The following NUDT3 variants were observed in gnomAD, a reference collection of about 807,000 sequenced individuals.
NUDT3 encodes nudix hydrolase 3, also known as diphosphoinositol polyphosphate phosphohydrolase 1.
A neutral mutation model predicts 23.6 loss-of-function variants in NUDT3; 9 were observed. The observed-to-expected ratio is 0.38, with a 90% CI of 0.23 to 0.66. The LOEUF (loss-of-function observed/expected upper bound fraction) is 0.66, where lower values mean the gene tolerates loss of function less well. NUDT3 is among the 30% of genes least tolerant of loss of function. The pLI, the probability that NUDT3 is intolerant of heterozygous loss-of-function variation, is 0.52. For missense variants in NUDT3, 172 were observed against 218.5 expected (o/e 0.79, Z 1.34); for synonymous variants, 86 against 82.6 (o/e 1.04, Z -0.22).
chr6:34,289,160 C>G (rs2113689945), intron 4 of NUDT3, among the ~76,000 whole-genome samples: 1 of 152,318 alleles, frequency 6.6e-6, no homozygotes, highest in Non-Finnish European at 1.5e-5. Flanking sequence ...AAAACCTGCC[C>G]TCCAGAGAGA....
At chr6:34,305,965 T>G (rs975564393) in intron 2 of NUDT3, among the ~76,000 whole-genome samples, 1 of 152,234 alleles carries the variant, frequency 6.6e-6, no homozygotes, top group African/African-American at 2.4e-5. Flanking sequence ...TATCCTTCCA[T>G]GCATGCTTGA....
intron 2 of NUDT3, among the ~76,000 whole-genome samples, chr6:34,315,217 T>C (rs568732821): frequency 4.6e-5 from 7 of 152,342 alleles, no homozygotes; most frequent in African/African-American, 1.7e-4. Flanking sequence ...AATTCTTAAG[T>C]GATTCTGGTT....
intron 2 of NUDT3, among the ~76,000 whole-genome samples, chr6:34,327,205 T>A (rs1276231165): frequency 6.6e-6 from 1 of 151,820 alleles, no homozygotes; most frequent in Non-Finnish European, 1.5e-5. Context: ...GAAGGCAGCA[T>A]ACGTCAGCGT....
chr6:34,351,201 A>T (rs1764463885), intron 1 of NUDT3, among the ~76,000 whole-genome samples: 1 of 106,542 alleles, frequency 9.4e-6, no homozygotes, highest in Non-Finnish European at 1.8e-5. Context: ...CCCTGCCTAA[A>T]AAAAAAAAAA....
chr6:34,326,934 GGAGACGA>G (rs1248589995), intron 2 of NUDT3, among the ~76,000 whole-genome samples: 1 of 152,084 alleles, frequency 6.6e-6, no homozygotes, highest in East Asian at 1.9e-4. Context: ...CCCCGTGTGT[GGAGACGA>G]GAGAGAGATC....
intron 1 of NUDT3, among the ~76,000 whole-genome samples, chr6:34,387,687 A>AG (rs573364898): frequency 6.6e-6 from 1 of 151,214 alleles, no homozygotes; most frequent in East Asian, 1.9e-4. Flanking sequence ...AAAAAAAAAA[A>AG]AAAAAAAAAG....
chr6:34,373,991 TTA>T (rs1764880152), intron 1 of NUDT3, among the ~76,000 whole-genome samples: 1 of 151,580 alleles, frequency 6.6e-6, no homozygotes. Context: ...CTGTCTCTAC[TTA>T]AAAAATACAA....
At chr6:34,328,080 CTATTCT>C (rs368677070) in intron 2 of NUDT3, among the ~76,000 whole-genome samples, 66 of 152,262 alleles carry the variant, frequency 4.3e-4, no homozygotes, top group Middle Eastern at 3.4e-3. Context: ...TGTATGATAA[CTATTCT>C]TATTCTAACT....
intron 1 of NUDT3, among the ~76,000 whole-genome samples, chr6:34,384,209 T>C (rs998232564): frequency 1.3e-5 from 2 of 152,162 alleles, no homozygotes; most frequent in African/African-American, 4.8e-5. Flanking sequence ...CAATCATCTC[T>C]CCGTTCCAAC....
At chr6:34,311,481 CATT>C (rs1232561108) in intron 2 of NUDT3, among the ~76,000 whole-genome samples, 3 of 152,166 alleles carry the variant, frequency 2.0e-5, no homozygotes, top group Non-Finnish European at 4.4e-5. Context: ...GAAGACTCAA[CATT>C]ATTAATATGT....
chr6:34,351,213 A>AAAAAAAAAAC (rs1764466048), intron 1 of NUDT3, among the ~76,000 whole-genome samples: 1 of 130,856 alleles, frequency 7.6e-6, no homozygotes, highest in Non-Finnish European at 1.6e-5. Flanking sequence ...AAAAAAAAAA[A>AAAAAAAAAAC]AAAAAAAAAA....
chr6:34,365,200 C>T (rs537739606), intron 1 of NUDT3, among the ~76,000 whole-genome samples: 18 of 152,124 alleles, frequency 1.2e-4, no homozygotes, highest in Middle Eastern at 3.4e-3. Flanking sequence ...GAGGCCAAGG[C>T]GGGTGGATCA....
chr6:34,341,990 T>C lies in NUDT3; in HGVS notation c.100-18A>G. The C allele has an allele frequency of 6.2e-7, 1 of 1,605,986 alleles. No homozygotes were observed. The highest frequency in any genetic ancestry group is 1.7e-4 in the Middle Eastern group (1 of 6,012). The stretch of plus-strand genomic sequence containing the variant: ...AGTAGCACCTGTTAAGTCACAAAGG[T>C]TGCATGGGGGGGTTAAAAATTCAAA... On this transcript the variant is annotated intron_variant, in intron 1 of 4. Transcript: ENST00000607016.
chr6:34,335,750 G>GT (rs1403186229), intron 2 of NUDT3, among the ~76,000 whole-genome samples: 1 of 147,278 alleles, frequency 6.8e-6, no homozygotes, highest in East Asian at 2.0e-4. Flanking sequence ...TGAAAATGCT[G>GT]TGTTTTTTTT....
At chr6:34,386,179 G>GACCA (rs1265855565) in intron 1 of NUDT3, among the ~76,000 whole-genome samples, 1 of 152,180 alleles carries the variant, frequency 6.6e-6, no homozygotes, top group East Asian at 1.9e-4. Flanking sequence ...GTACCAAGCT[G>GACCA]GTTAAAGTGG....
At chr6:34,348,341 G>A (rs1401300738) in intron 1 of NUDT3, among the ~76,000 whole-genome samples, 2 of 151,842 alleles carry the variant, frequency 1.3e-5, no homozygotes, top group African/African-American at 2.4e-5. Context: ...AAATAGCCAG[G>A]CGTGGTGGTG....
chr6:34,349,582 G>C (rs1764435484), intron 1 of NUDT3, among the ~76,000 whole-genome samples: 1 of 150,520 alleles, frequency 6.6e-6, no homozygotes, highest in South Asian at 2.1e-4. Flanking sequence ...TGGAAACAAT[G>C]GTATCAGAAT....
At chr6:34,308,228 TG>T (rs1763714287) in intron 2 of NUDT3, among the ~76,000 whole-genome samples, 1 of 112,216 alleles carries the variant, frequency 8.9e-6, no homozygotes, top group Non-Finnish European at 1.8e-5. Flanking sequence ...GAGGCGGAGG[TG>T]GGAGGATCAC....
At chr6:34,339,009 A>C (rs1450083529) in intron 2 of NUDT3, among the ~76,000 whole-genome samples, 2 of 152,244 alleles carry the variant, frequency 1.3e-5, no homozygotes, top group African/African-American at 4.8e-5. Flanking sequence ...ACCACATTGC[A>C]GAACTGGACT....
Sources: gnomAD v4.1 joint callset for allele counts (sites outside exome capture counted in the v4.1 genomes callset) on GRCh38, gnomAD v4.1.1 for gene constraint, MANE v1.5 for transcripts, NCBI Gene and HGNC (gene_info 2026-07-23, HGNC 2026-07-21) for gene names.